The following SEMA3E variants were observed in gnomAD, a reference collection of about 807,000 sequenced individuals.
SEMA3E encodes semaphorin 3E.
Under a neutral mutation model 93.6 loss-of-function variants are expected in SEMA3E, and 49 were observed. That is an observed-to-expected ratio of 0.52 (90% CI 0.42 to 0.66). The LOEUF (loss-of-function observed/expected upper bound fraction) is 0.66, where lower values mean the gene tolerates loss of function less well. Among genes scored for constraint, SEMA3E ranks in the 30% least tolerant of loss-of-function variants. The pLI, the probability that SEMA3E is intolerant of heterozygous loss-of-function variation, is 0.00. For synonymous variants in SEMA3E, 363 were observed against 330.7 expected (o/e 1.10, Z -1.06); for missense variants, 906 against 964.8 (o/e 0.94, Z 0.81).
chr7:83,502,465 G>C (rs1790614398), intron 1 of SEMA3E, among the ~76,000 whole-genome samples: 1 of 152,042 alleles, frequency 6.6e-6, no homozygotes, highest in East Asian at 1.9e-4. Context: ...GGGCTTTAGA[G>C]TTTGGCCTGG....
intron 4 of SEMA3E, among the ~76,000 whole-genome samples, chr7:83,430,809 C>A (rs966035132): frequency 1.3e-5 from 2 of 151,980 alleles, no homozygotes; most frequent in South Asian, 2.1e-4. Flanking sequence ...CAAACCTGCA[C>A]GTTCTGCTCA....
intron 1 of SEMA3E, among the ~76,000 whole-genome samples, chr7:83,587,282 C>T (rs1792649171): frequency 6.6e-6 from 1 of 152,050 alleles, no homozygotes; most frequent in African/African-American, 2.4e-5. Flanking sequence ...TGAAAGCAAA[C>T]TTAGTTTTCA....
chr7:83,543,596 A>T (rs1258068424), intron 1 of SEMA3E, among the ~76,000 whole-genome samples: 1 of 152,126 alleles, frequency 6.6e-6, no homozygotes, highest in Non-Finnish European at 1.5e-5. Flanking sequence ...GACTGTAAAA[A>T]TGCTTGTTGA....
At chr7:83,458,912 T>C (rs1789550431) in intron 4 of SEMA3E, among the ~76,000 whole-genome samples, 1 of 143,452 alleles carries the variant, frequency 7.0e-6, no homozygotes, top group African/African-American at 2.5e-5. Flanking sequence ...ATAACAAATA[T>C]AAATATATAT....
At chr7:83,443,130 C>G (rs1396554275) in intron 4 of SEMA3E, among the ~76,000 whole-genome samples, 1 of 152,154 alleles carries the variant, frequency 6.6e-6, no homozygotes, top group African/African-American at 2.4e-5. Context: ...AAAGAGACGT[C>G]CAGTTACTGC....
rs528179798 is a variant in SEMA3E at position 83,426,014 on chromosome 7, C to T, written c.457-7531G>A. On this transcript the variant is annotated intron_variant, in intron 4 of 16. Transcript: ENST00000643230. ...TCATCAGAGAAATGCAAATCAAAAC[C>T]ACAATGAGATACCATCTCACACCAG... Among the ~76,000 whole-genome samples, 9 of 151,964 alleles carry T rather than the reference C, an allele frequency of 5.9e-5. No individual in the cohort carries two copies. The South Asian group carries it at 1.9e-3, about 32-fold the overall frequency.
At chr7:83,596,675 C>A (rs1282883490) in intron 1 of SEMA3E, among the ~76,000 whole-genome samples, 1 of 151,996 alleles carries the variant, frequency 6.6e-6, no homozygotes. Flanking sequence ...CTCTCCGTAC[C>A]CAGTTCCCCA....
At chr7:83,615,782 A>C (rs577774380) in intron 1 of SEMA3E, among the ~76,000 whole-genome samples, 1 of 152,118 alleles carries the variant, frequency 6.6e-6, no homozygotes, top group Non-Finnish European at 1.5e-5. Context: ...CTTCAGTGGA[A>C]GAAGCGTGGG....
chr7:83,645,083 T>C (rs772842547), intron 1 of SEMA3E, among the ~76,000 whole-genome samples: 2 of 151,980 alleles, frequency 1.3e-5, no homozygotes, highest in African/African-American at 2.4e-5. Flanking sequence ...TTTTCTTCTC[T>C]GAGCTCCATT....
intron 1 of SEMA3E, among the ~76,000 whole-genome samples, chr7:83,562,099 A>G (rs1792041363): frequency 6.6e-6 from 1 of 152,210 alleles, no homozygotes; most frequent in African/African-American, 2.4e-5. Context: ...TTGGATACGT[A>G]TATTTGAAAT....
chr7:83,516,648 G>A (rs1354903904), intron 1 of SEMA3E, among the ~76,000 whole-genome samples: 2 of 152,136 alleles, frequency 1.3e-5, no homozygotes, highest in Non-Finnish European at 2.9e-5. Context: ...TTAGAACAGA[G>A]AGAATACATT....
At chr7:83,559,622 G>A (rs548429926) in intron 1 of SEMA3E, among the ~76,000 whole-genome samples, 1 of 152,072 alleles carries the variant, frequency 6.6e-6, no homozygotes, top group South Asian at 2.1e-4. Flanking sequence ...TTGTCGGTGG[G>A]AAGGCAAAAT....
intron 1 of SEMA3E, among the ~76,000 whole-genome samples, chr7:83,494,934 G>A (rs1021281862): frequency 3.3e-5 from 5 of 151,854 alleles, no homozygotes; most frequent in African/African-American, 1.2e-4. Flanking sequence ...ATCCATCTGC[G>A]GTTAAAATGT....
intron 4 of SEMA3E, among the ~76,000 whole-genome samples, chr7:83,422,719 T>C (rs1252371236): frequency 1.3e-5 from 2 of 152,232 alleles, no homozygotes; most frequent in Non-Finnish European, 2.9e-5. Context: ...GGTTGTTTTA[T>C]CTAATGGGTA....
chr7:83,394,349 A>T lies in SEMA3E; in HGVS notation c.1459-11T>A, dbSNP rs1788078315. ...AATAGGAACTGGATCCTGAAATTTT[A>T]AAAAAGTTTTCATTTTTAAGAAAAC... On this transcript the variant is annotated splice_polypyrimidine_tract_variant and intron_variant, in intron 12 of 16. Transcript: ENST00000643230. The T allele has an allele frequency of 1.2e-6, 2 of 1,610,736 alleles. No homozygotes were observed. Among genetic ancestry groups the T allele is most frequent in the Middle Eastern group, 1.7e-4 (1 of 6,048 alleles).
chr7:83,513,609 A>G (rs1398944089), intron 1 of SEMA3E, among the ~76,000 whole-genome samples: 1 of 152,172 alleles, frequency 6.6e-6, no homozygotes, highest in African/African-American at 2.4e-5. Context: ...TAAAGGCAAC[A>G]TTATCACTGG....
chr7:83,636,931 A>G (rs945799456), intron 1 of SEMA3E, among the ~76,000 whole-genome samples: 19 of 152,184 alleles, frequency 1.2e-4, no homozygotes, highest in African/African-American at 4.3e-4. Context: ...TGATATATAA[A>G]AAAAGCACCC....
Position 83,511,768 on chromosome 7 carries a change from G to A in SEMA3E, c.116-21494C>T, listed in dbSNP as rs1790825789. ...AAATTGCCCAGGCATGGTGGTGGGT[G>A]CCTGTAATCCCAGCTACTTGGGAGG... On this transcript the variant is annotated intron_variant, in intron 1 of 16. Coordinates refer to ENST00000643230, the MANE Select transcript of SEMA3E (RefSeq NM_012431.3). Among the ~76,000 whole-genome samples the A allele has an allele frequency of 2.6e-5, 4 of 152,046 alleles. No homozygotes were observed. The South Asian group carries it at 8.3e-4, about 32-fold the overall frequency.
intron 1 of SEMA3E, among the ~76,000 whole-genome samples, chr7:83,525,787 T>TTTTTTTTTTTTTG (rs1791145757): frequency 2.7e-5 from 1 of 36,724 alleles, no homozygotes; most frequent in Admixed American, 2.8e-4. Flanking sequence ...TGTTTGGGTT[T>TTTTTTTTTTTTTG]TTTTTTTTTT....
Sources: gnomAD v4.1 joint callset for allele counts (sites outside exome capture counted in the v4.1 genomes callset) on GRCh38, gnomAD v4.1.1 for gene constraint, MANE v1.5 for transcripts, NCBI Gene and HGNC (gene_info 2026-07-23, HGNC 2026-07-21) for gene names.